The following ITPA variants were observed in gnomAD, a reference collection of about 807,000 sequenced individuals.
ITPA encodes inosine triphosphatase, also known as inosine triphosphate pyrophosphatase.
A neutral mutation model predicts 29.6 loss-of-function variants in ITPA; 29 were observed. That is an observed-to-expected ratio of 0.98 (90% CI 0.73 to 1.34). ITPA has a LOEUF of 1.34. Ranked by LOEUF, ITPA falls within the 40% of genes most tolerant of loss-of-function variation. ITPA has a pLI of 0.00. For synonymous variants in ITPA, 103 were observed against 99.3 expected, an observed-to-expected ratio of 1.04 and a Z score of -0.22; for missense variants, 241 against 251.5, an observed-to-expected ratio of 0.96 and a Z score of 0.28.
chr20:3,226,624 G>A (rs1413903498), downstream of ITPA, among the ~76,000 whole-genome samples: 1 of 152,158 alleles, frequency 6.6e-6, no homozygotes, highest in East Asian at 1.9e-4. The surrounding 1 kb of genome is among the most constrained non-coding windows in gnomAD (Gnocchi z 4.4). Flanking sequence ...TCTTCTGTTG[G>A]GGCTGCTGTC....
chr20:3,222,041 T>C (rs977917740), intron 7 of ITPA, 124 bp downstream of exon 7: 68 of 923,376 alleles, frequency 7.4e-5, no homozygotes, highest in Admixed American at 5.8e-5. Flanking sequence ...AGGGTGCTGT[T>C]CCAGCCACAG....
At chr20:3,209,441 C>G (rs1385412393), upstream of ITPA, 3 of 1,058,674 alleles carry the variant, frequency 2.8e-6, no homozygotes, top group African/African-American at 1.6e-5. The surrounding 1 kb of genome is among the most constrained non-coding windows in gnomAD (Gnocchi z 4.6). Context: ...CGGCTTTCCC[C>G]GGGACCCCTG....
upstream of ITPA, among the ~76,000 whole-genome samples, chr20:3,205,130 G>A (rs1449020241): frequency 6.6e-6 from 1 of 152,144 alleles, no homozygotes; most frequent in African/African-American, 2.4e-5. Context: ...GATTACAGGC[G>A]TGAGCCACCG....
At chr20:3,209,412 C>A, upstream of ITPA, 1 of 810,532 alleles carries the variant, frequency 1.2e-6, no homozygotes, top group Middle Eastern at 2.4e-4. The surrounding 1 kb of genome is among the most constrained non-coding windows in gnomAD (Gnocchi z 4.6). Flanking sequence ...TCGCCCGATA[C>A]GCGCCTTGGG....
upstream of ITPA, chr20:3,208,872 C>A (rs2067110152): frequency 6.5e-6 from 1 of 153,950 alleles, no homozygotes; most frequent in African/African-American, 2.4e-5. Flanking sequence ...GTTCAGCAGA[C>A]CCACCTTTGA....
In ITPA at chr20:3,218,581, C is replaced by T. The variant is rs1043378050; in HGVS notation, c.360C>T (p.Leu120=). The change falls in exon 6 of 8, where the codon CTC becomes CTT. Residue 120 remains leucine (L), a synonymous_variant. Transcript: ENST00000380113. ...KSAYALCTFA[L]STGDPSQPVR... ...CCTATGCGCTCTGCACGTTTGCACT[C>T]AGCACCGGGGACCCAAGCCAGCCCG... 6.2e-7 allele frequency: 1 copy of T among 1,613,802 alleles called. No individual in the cohort carries two copies. Among genetic ancestry groups the T allele is most frequent in the Non-Finnish European group, 8.5e-7 (1 of 1,180,030 alleles).
Position 3,223,526 on chromosome 20 carries a change from G to C in ITPA, c.*64G>C. The C allele has an allele frequency of 7.9e-7, 1 of 1,260,206 alleles. No individual in the cohort carries two copies. The highest frequency in any genetic ancestry group is 1.1e-6 in the Non-Finnish European group (1 of 879,854). The allele number at this position is 1,260,206 out of a possible 1,614,324, so 78.1% of individuals were successfully genotyped here. A position where few individuals can be genotyped will look rare whatever the true frequency, so the allele number is the denominator to read the frequency against. The stretch of plus-strand genomic sequence containing the variant: ...GGGGAGGGCTAGCCCAAAACCTCCC[G>C]CATCGGGCAGGCACCCCCTGAAGTA... On this transcript the variant is annotated 3_prime_UTR_variant, in exon 8 of 8. Coordinates refer to ENST00000380113, the MANE Select transcript of ITPA (RefSeq NM_033453.4).
chr20:3,224,000 A>G (rs2067531972), downstream of ITPA: 1 of 167,434 alleles, frequency 6.0e-6, no homozygotes, highest in Non-Finnish European at 1.3e-5. Flanking sequence ...TTACGTCTCC[A>G]CTCGAGTTCT....
At chr20:3,208,786 CCAGGCGGGGGG>C (rs2067109082), upstream of ITPA, 2 of 153,214 alleles carry the variant, frequency 1.3e-5, no homozygotes, top group Admixed American at 6.5e-5. Flanking sequence ...ACACAGGGGT[CCAGGCGGGGGG>C]CAGAGGGCTG....
At chr20:3,226,676 T>C (rs1054317524), downstream of ITPA, among the ~76,000 whole-genome samples, 2 of 152,198 alleles carry the variant, frequency 1.3e-5, no homozygotes, top group Non-Finnish European at 2.9e-5. The surrounding 1 kb of genome is among the most constrained non-coding windows in gnomAD (Gnocchi z 4.4). Context: ...TTCAGATATA[T>C]TTTCAGTTTT....
intron 6 of ITPA, 179 bp downstream of exon 6, chr20:3,218,811 G>A (rs1451855010): frequency 1.5e-6 from 1 of 662,132 alleles, no homozygotes; most frequent in Non-Finnish European, 2.8e-6. Flanking sequence ...GATCCTAGGA[G>A]GGTGGTGGAA....
At chr20:3,214,208 C>T in intron 4 of ITPA, 150 bp downstream of exon 4, 1 of 738,222 alleles carries the variant, frequency 1.4e-6, no homozygotes, top group African/African-American at 1.7e-5. Flanking sequence ...ATAGGAGAAG[C>T]ATGCCTTTCT....
chr20:3,213,227 G>T lies in ITPA; in HGVS notation c.124+1G>T. ...ACTTTGGTGGCACAGAAAATTGACC[G>T]TATGTCTCTGTTTTGTTTTATTTTT... is the stretch of plus-strand genomic sequence containing the variant. On this transcript the variant is annotated splice_donor_variant, in intron 2 of 7. Transcript: ENST00000380113. LOFTEE classifies it high-confidence loss of function. 6.2e-7 allele frequency: 1 copy of T among 1,614,158 alleles called. No individual in the cohort carries two copies. The highest frequency in any genetic ancestry group is 2.2e-5 in the East Asian group (1 of 44,886).
At chr20:3,220,304 G>T (rs1344199267) in intron 6 of ITPA, among the ~76,000 whole-genome samples, 4 of 151,940 alleles carry the variant, frequency 2.6e-5, no homozygotes, top group African/African-American at 9.7e-5. Flanking sequence ...GTGATCCGCT[G>T]GCCTCATTCT....
At chr20:3,211,791 C>T (rs533431921) in intron 1 of ITPA, among the ~76,000 whole-genome samples, 104 of 152,248 alleles carry the variant, frequency 6.8e-4, no homozygotes, top group Non-Finnish European at 1.2e-3. Context: ...CGTGCCTGGC[C>T]GAACGGGTAG....
upstream of ITPA, chr20:3,204,732 G>T: frequency 8.8e-7 from 1 of 1,139,984 alleles, no homozygotes; most frequent in South Asian, 1.4e-5. Context: ...TCGGAGCCCC[G>T]CCCAGCGGCA....
At chr20:3,213,258 A>G (rs2067214407) in intron 2 of ITPA, 32 bp downstream of exon 2, 1 of 1,614,144 alleles carries the variant, frequency 6.2e-7, no homozygotes, top group Non-Finnish European at 8.5e-7. Flanking sequence ...TTTTTAAAAG[A>G]TGGTTGGATT....
upstream of ITPA, among the ~76,000 whole-genome samples, chr20:3,205,316 A>ATTTC (rs200919421): frequency 4.9e-5 from 7 of 142,538 alleles, no homozygotes; most frequent in East Asian, 2.2e-4. Context: ...GTGACACTGA[A>ATTTC]TTTCTTTCTT....
intron 6 of ITPA, 102 bp downstream of exon 6, chr20:3,218,734 C>G: frequency 1.2e-6 from 1 of 803,412 alleles, no homozygotes; most frequent in East Asian, 2.6e-5. Flanking sequence ...GGAGGGGCGC[C>G]TTGGGGCCAG....
Sources: allele counts gnomAD v4.1 joint callset (sites outside exome capture counted in the v4.1 genomes callset), GRCh38; gene constraint gnomAD v4.1.1; non-coding constraint Gnocchi (gnomAD v3.1); transcripts MANE v1.5; gene names NCBI Gene and HGNC (gene_info 2026-07-23, HGNC 2026-07-21).